Variants in MITF observed in about 807,000 individuals in gnomAD.
The protein encoded by MITF is melanocyte inducing transcription factor.
In MITF, 17 loss-of-function variants were observed where a neutral mutation model predicts 60.5. The ratio of observed to expected loss-of-function variants is 0.28; its 90% CI spans 0.19 to 0.42. The LOEUF (loss-of-function observed/expected upper bound fraction) is 0.42, where lower values mean the gene tolerates loss of function less well. Ranked by LOEUF, MITF falls within the 10% of genes least tolerant of loss-of-function variation. The pLI, the probability that MITF is intolerant of heterozygous loss-of-function variation, is 1.00. For synonymous variants in MITF, 260 were observed against 248.5 expected, an observed-to-expected ratio of 1.05 and a Z score of -0.43; for missense variants, 622 against 683.5, an observed-to-expected ratio of 0.91 and a Z score of 1.00.
intron 1 of MITF, among the ~76,000 whole-genome samples, chr3:69,766,872 G>A (rs772927351): frequency 1.1e-4 from 17 of 152,122 alleles, no homozygotes; most frequent in Non-Finnish European, 2.2e-4. Flanking sequence ...GTAGATACAA[G>A]AGTTAAAACT....
At chr3:69,783,455 A>T (rs1472302121) in intron 1 of MITF, among the ~76,000 whole-genome samples, 7 of 150,424 alleles carry the variant, frequency 4.7e-5, no homozygotes, top group African/African-American at 1.7e-4. Flanking sequence ...GTGTGCACGT[A>T]TTCAAAGGAG....
At chr3:69,819,966 AAAAC>A (rs747732841) in intron 1 of MITF, among the ~76,000 whole-genome samples, 27 of 152,160 alleles carry the variant, frequency 1.8e-4, no homozygotes, top group Non-Finnish European at 3.4e-4. Context: ...TCTGTCTCAA[AAAAC>A]AAACAAACAA....
intron 1 of MITF, among the ~76,000 whole-genome samples, chr3:69,768,917 G>A (rs1389005627): frequency 6.6e-6 from 1 of 152,212 alleles, no homozygotes; most frequent in African/African-American, 2.4e-5. Flanking sequence ...GCTGATGTAG[G>A]TGGGGAGGGC....
chr3:69,740,617 G>C lies in MITF; in HGVS notation c.104+916G>C, dbSNP rs556300168. Among the ~76,000 whole-genome samples the C allele has an allele frequency of 5.3e-5, 8 of 152,230 alleles. No homozygotes were observed. The South Asian group carries it at 1.5e-3, about 28-fold the overall frequency. ...TGGGTGTCTTCCGTTCTCTCTGTCC[G>C]GCAGCCACTCTGGACGCCTCGTACT... On this transcript the variant is annotated intron_variant, in intron 1 of 9. Transcript: ENST00000352241.
In MITF at chr3:69,866,386, T is replaced by G. The variant is rs1189251226; in HGVS notation, c.105-12748T>G. ...ATTCTGGAAATAATCCCGGGACCAC[T>G]TAAGAGGAGCAGTTTTTTTTCTCTT... On this transcript the variant is annotated intron_variant, in intron 1 of 9. Coordinates refer to ENST00000352241, the MANE Select transcript of MITF (RefSeq NM_001354604.2). 9.3e-6 allele frequency: 15 copies of G among 1,609,702 alleles called. No homozygotes were observed. In the African/African-American group the frequency reaches 1.7e-4, roughly 19 times the overall value.
chr3:69,791,803 A>C (rs1442503821), intron 1 of MITF, among the ~76,000 whole-genome samples: 2 of 152,230 alleles, frequency 1.3e-5, no homozygotes, highest in Non-Finnish European at 2.9e-5. Flanking sequence ...GTGTGTATGC[A>C]AGAGGCATTA....
intron 1 of MITF, among the ~76,000 whole-genome samples, chr3:69,782,104 G>A (rs565309136): frequency 2.6e-5 from 4 of 152,332 alleles, no homozygotes; most frequent in African/African-American, 9.6e-5. Flanking sequence ...CCTAGGAATG[G>A]CAGCCCCTGG....
chr3:69,741,729 TAAAC>T (rs1703536324), intron 1 of MITF, among the ~76,000 whole-genome samples: 1 of 152,226 alleles, frequency 6.6e-6, no homozygotes. Context: ...CTCTTTGAAA[TAAAC>T]CAGTTAAATA....
At chr3:69,776,742 C>T (rs1295035115) in intron 1 of MITF, among the ~76,000 whole-genome samples, 1 of 152,068 alleles carries the variant, frequency 6.6e-6, no homozygotes, top group African/African-American at 2.4e-5. Context: ...TATGAGAAAT[C>T]GGTGAGATAA....
chr3:69,826,451 T>G (rs899009061), intron 1 of MITF, among the ~76,000 whole-genome samples: 1 of 152,248 alleles, frequency 6.6e-6, no homozygotes, highest in Non-Finnish European at 1.5e-5. Flanking sequence ...TAGGATTTAG[T>G]TATCCATTCT....
intron 1 of MITF, among the ~76,000 whole-genome samples, chr3:69,795,761 C>T (rs771245228): frequency 7.9e-5 from 12 of 152,086 alleles, no homozygotes; most frequent in Non-Finnish European, 1.6e-4. Context: ...CTAATTACAA[C>T]ATGCAAATAT....
intron 1 of MITF, among the ~76,000 whole-genome samples, chr3:69,814,780 C>G (rs2063155203): frequency 6.6e-6 from 1 of 152,108 alleles, no homozygotes; most frequent in Non-Finnish European, 1.5e-5. Context: ...CAGGTGTCCC[C>G]TCCCAGTGGA....
At chr3:69,741,978 A>C (rs1458108495) in intron 1 of MITF, among the ~76,000 whole-genome samples, 1 of 152,184 alleles carries the variant, frequency 6.6e-6, no homozygotes, top group Admixed American at 6.5e-5. Flanking sequence ...CGTTCTGCCT[A>C]TCAACTGTCT....
intron 2 of MITF, among the ~76,000 whole-genome samples, chr3:69,882,184 TC>T (rs2064504655): frequency 6.6e-6 from 1 of 152,168 alleles, no homozygotes; most frequent in South Asian, 2.1e-4. Flanking sequence ...GTTATTGACA[TC>T]TGGTAAACTT....
intron 1 of MITF, among the ~76,000 whole-genome samples, chr3:69,749,360 C>G (rs932933198): frequency 6.6e-6 from 1 of 152,106 alleles, no homozygotes; most frequent in Non-Finnish European, 1.5e-5. Context: ...ATTTTTTCAG[C>G]GAAAGGTGGA....
At chr3:69,746,601 A>T (rs1703737253) in intron 1 of MITF, among the ~76,000 whole-genome samples, 1 of 152,148 alleles carries the variant, frequency 6.6e-6, no homozygotes, top group South Asian at 2.1e-4. Flanking sequence ...AATATGTTTG[A>T]CTACACTCCA....
intron 1 of MITF, among the ~76,000 whole-genome samples, chr3:69,795,742 A>G (rs1297598945): frequency 1.3e-5 from 2 of 152,180 alleles, no homozygotes; most frequent in Admixed American, 6.5e-5. Flanking sequence ...TAAAAGGTAA[A>G]AAATAAATCT....
intron 1 of MITF, chr3:69,752,241 TA>T (rs1703965509): frequency 6.6e-6 from 1 of 152,212 alleles, no homozygotes. Context: ...GGCATTGCTA[TA>T]AAGATACCTG....
At chr3:69,791,153 A>C (rs1388884775) in intron 1 of MITF, among the ~76,000 whole-genome samples, 1 of 152,154 alleles carries the variant, frequency 6.6e-6, no homozygotes, top group African/African-American at 2.4e-5. Context: ...CTAAATATAG[A>C]TGTGTTAAAT....
Sources: allele counts gnomAD v4.1 joint callset (sites outside exome capture counted in the v4.1 genomes callset), GRCh38; gene constraint gnomAD v4.1.1; transcripts MANE v1.5; gene names NCBI Gene and HGNC (gene_info 2026-07-23, HGNC 2026-07-21).